The following TYR variants were observed in gnomAD, a reference collection of about 807,000 sequenced individuals.
The protein encoded by TYR is LB24-AB.
In TYR, 58 loss-of-function variants were observed where a neutral mutation model predicts 51.5. The observed-to-expected ratio is 1.13, with a 90% CI of 0.91 to 1.40. TYR has a LOEUF of 1.40. Ranked by LOEUF, TYR falls within the 40% of genes most tolerant of loss-of-function variation. TYR has a pLI of 0.00. For synonymous variants in TYR, 263 were observed against 235.2 expected (o/e 1.12, Z -1.08); for missense variants, 732 against 647.4 (o/e 1.13, Z -1.42).
intron 3 of TYR, among the ~76,000 whole-genome samples, chr11:89,279,654 CA>C (rs1371140274): frequency 6.6e-6 from 1 of 151,636 alleles, no homozygotes; most frequent in Non-Finnish European, 1.5e-5. Flanking sequence ...GAGTGTTGGC[CA>C]TGACCCTTAT....
At chr11:89,258,305 A>G (rs1944418893) in intron 3 of TYR, among the ~76,000 whole-genome samples, 1 of 152,044 alleles carries the variant, frequency 6.6e-6, no homozygotes, top group South Asian at 2.1e-4. Context: ...TTAGCTATCT[A>G]TATCAAATCA....
intron 3 of TYR, among the ~76,000 whole-genome samples, 183 bp from the exon 4 acceptor site, chr11:89,284,590 G>A (rs191889224): frequency 6.6e-4 from 101 of 151,926 alleles, no homozygotes; most frequent in Admixed American, 2.8e-3. Context: ...TTAAATGAGT[G>A]AACTTCAAGG....
chr11:89,290,479 T>G (rs1185781201), intron 4 of TYR, among the ~76,000 whole-genome samples: 2 of 152,056 alleles, frequency 1.3e-5, no homozygotes, highest in Non-Finnish European at 2.9e-5. Flanking sequence ...GTATCCTGCC[T>G]TTTTTTGGAC....
At chr11:89,200,525 T>A (rs1943583814) in intron 2 of TYR, 1 of 149,976 alleles carries the variant, frequency 6.7e-6, no homozygotes, top group Admixed American at 6.6e-5. Context: ...CCAGCTTTTA[T>A]TTATGTGGGT....
chr11:89,290,891 A>G (rs941587399), intron 4 of TYR, among the ~76,000 whole-genome samples: 18 of 152,022 alleles, frequency 1.2e-4, no homozygotes, highest in African/African-American at 3.6e-4. Context: ...TATAGAGAGC[A>G]TCTTCTATAA....
intron 3 of TYR, among the ~76,000 whole-genome samples, chr11:89,252,599 C>A (rs1420982439): frequency 1.3e-5 from 2 of 151,784 alleles, no homozygotes; most frequent in Non-Finnish European, 2.9e-5. Context: ...AAATTAGAAA[C>A]CTGGTGCTTG....
chr11:89,277,214 C>A (rs2135318974), intron 3 of TYR, among the ~76,000 whole-genome samples: 1 of 151,022 alleles, frequency 6.6e-6, no homozygotes, highest in East Asian at 2.0e-4. Flanking sequence ...GTAACTGCTT[C>A]AAAACAAGTA....
intron 2 of TYR, among the ~76,000 whole-genome samples, chr11:89,208,820 A>G (rs1379632674): frequency 1.3e-5 from 2 of 152,206 alleles, no homozygotes; most frequent in South Asian, 2.1e-4. Context: ...AGCATTAGCA[A>G]TTGCTTATTT....
chr11:89,249,126 G>C (rs1565412344), intron 3 of TYR, among the ~76,000 whole-genome samples: 1 of 152,036 alleles, frequency 6.6e-6, no homozygotes, highest in Admixed American at 6.6e-5. Flanking sequence ...GAAAGAGGCT[G>C]CCAAGTAGTC....
intron 3 of TYR, among the ~76,000 whole-genome samples, chr11:89,246,008 G>A (rs1944263547): frequency 6.6e-6 from 1 of 152,000 alleles, no homozygotes; most frequent in Non-Finnish European, 1.5e-5. Flanking sequence ...GGGGAGATGT[G>A]CCATTTAGCA....
intron 3 of TYR, among the ~76,000 whole-genome samples, chr11:89,283,407 G>C (rs2135323295): frequency 6.6e-6 from 1 of 151,894 alleles, no homozygotes; most frequent in Admixed American, 6.6e-5. Context: ...CATTTTGTTT[G>C]AAGCATTATC....
intron 3 of TYR, among the ~76,000 whole-genome samples, chr11:89,280,177 T>C (rs1216060703): frequency 6.6e-6 from 1 of 151,710 alleles, no homozygotes; most frequent in East Asian, 1.9e-4. Flanking sequence ...ATTCATCTTG[T>C]ATATTTCTTA....
At chr11:89,228,914 G>A (rs551287301) in intron 3 of TYR, among the ~76,000 whole-genome samples, 1 of 151,934 alleles carries the variant, frequency 6.6e-6, no homozygotes, top group East Asian at 1.9e-4. Context: ...AATCATGACT[G>A]ACAAATGCTA....
chr11:89,197,141 ATATGC>A (rs1943530185), intron 2 of TYR, among the ~76,000 whole-genome samples: 1 of 152,174 alleles, frequency 6.6e-6, no homozygotes, highest in South Asian at 2.1e-4. Flanking sequence ...AGGGAACAAC[ATATGC>A]AATGACACAG....
intron 3 of TYR, among the ~76,000 whole-genome samples, chr11:89,263,352 A>C (rs1944485752): frequency 6.6e-6 from 1 of 152,004 alleles, no homozygotes; most frequent in Non-Finnish European, 1.5e-5. Flanking sequence ...GAGCTTTCTC[A>C]TTTTGATAAA....
At chr11:89,211,482 G>C (rs1156708656) in intron 2 of TYR, among the ~76,000 whole-genome samples, 1 of 152,102 alleles carries the variant, frequency 6.6e-6, no homozygotes, top group Non-Finnish European at 1.5e-5. Flanking sequence ...AAGAGAGTTA[G>C]ACTCCCATAC....
At chr11:89,244,784 C>T (rs1944242572) in intron 3 of TYR, among the ~76,000 whole-genome samples, 1 of 152,212 alleles carries the variant, frequency 6.6e-6, no homozygotes, top group Non-Finnish European at 1.5e-5. Context: ...ATTCAACTAA[C>T]ATTAAGTACC....
chr11:89,242,645 T>C (rs1590873957), intron 3 of TYR, among the ~76,000 whole-genome samples: 1 of 152,164 alleles, frequency 6.6e-6, no homozygotes, highest in South Asian at 2.1e-4. Context: ...ATGTAGAACA[T>C]TGTGTCAGGA....
chr11:89,206,104 C>CA (rs1344351744), intron 2 of TYR, among the ~76,000 whole-genome samples: 3 of 151,082 alleles, frequency 2.0e-5, no homozygotes, highest in African/African-American at 4.9e-5. Flanking sequence ...AAAAATGAAC[C>CA]AAAAAATTCA....
Sources: gnomAD v4.1 joint callset for allele counts (sites outside exome capture counted in the v4.1 genomes callset) on GRCh38, gnomAD v4.1.1 for gene constraint, MANE v1.5 for transcripts, NCBI Gene and HGNC (gene_info 2026-07-23, HGNC 2026-07-21) for gene names.